CHD1: variants seen among roughly 807,000 people sequenced by gnomAD.
CHD1 encodes chromodomain helicase DNA binding protein 1.
Under a neutral mutation model 224.2 loss-of-function variants are expected in CHD1, and 36 were observed. The observed-to-expected ratio is 0.16, with a 90% CI of 0.12 to 0.21. CHD1 has a LOEUF of 0.21. CHD1 is among the 10% of genes least tolerant of loss of function. CHD1 has a pLI of 1.00. For missense variants in CHD1, 1,378 were observed against 1,994.8 expected (o/e 0.69, Z 5.89); for synonymous variants, 668 against 658.3 (o/e 1.01, Z -0.23).
intron 2 of CHD1, among the ~76,000 whole-genome samples, chr5:98,910,998 T>C (rs1363180064): frequency 6.6e-6 from 1 of 151,400 alleles, no homozygotes; most frequent in Non-Finnish European, 1.5e-5. Flanking sequence ...TACAATCACC[T>C]AGCACCTAGA....
intron 12 of CHD1, 103 bp from the exon 13 acceptor site, chr5:98,894,789 T>A: frequency 1.8e-6 from 1 of 545,560 alleles, no homozygotes; most frequent in East Asian, 3.5e-5. Flanking sequence ...TGTAAGTAAC[T>A]ATTAATATAT....
At position 98,892,586 on chromosome 5, in the gene CHD1, G is replaced by A; in HGVS notation, c.2119C>T (p.Pro707Ser). 1 of 1,613,806 alleles carries A rather than the reference G, an allele frequency of 6.2e-7. No homozygotes were observed. The highest frequency in any genetic ancestry group is 8.5e-7 in the Non-Finnish European group (1 of 1,179,792). ...RVKKDVEKSL[P>S]AKVEQILRME... The stretch of plus-strand genomic sequence containing the variant: ...CTTAAAATCTGCTCAACCTTGGCAG[G>A]AAGAGATTTTTCCACATCTTTCTTA... The change falls in exon 15 of 36, where the codon CCT (proline) becomes TCT (serine). Residue 707 changes from proline to serine, a missense_variant. By Grantham distance (74) the Pro-to-Ser change is moderately conservative. Coordinates refer to ENST00000614616, the MANE Select transcript of CHD1 (RefSeq NM_001270.4).
intron 19 of CHD1, 147 bp from the exon 20 acceptor site, chr5:98,882,270 G>A: frequency 1.7e-6 from 1 of 594,444 alleles, no homozygotes; most frequent in South Asian, 2.8e-5. Flanking sequence ...TAAAAAACAT[G>A]TTTAAAGCTA....
intron 29 of CHD1, among the ~76,000 whole-genome samples, chr5:98,870,423 A>C (rs1019147512): frequency 6.6e-6 from 1 of 152,104 alleles, no homozygotes; most frequent in East Asian, 1.9e-4. Context: ...CCGCACGCTA[A>C]ACGAGTTTTC....
At chr5:98,888,692 A>G (rs1039791290) in intron 16 of CHD1, among the ~76,000 whole-genome samples, 21 of 152,258 alleles carry the variant, frequency 1.4e-4, no homozygotes, top group African/African-American at 4.8e-4. Flanking sequence ...CTTCTGACTT[A>G]TCTTCCAGAA....
intron 19 of CHD1, among the ~76,000 whole-genome samples, chr5:98,882,418 TG>T (rs34271103): frequency 0.21 from 27,601 of 133,126 alleles, 5,219 homozygotes; most frequent in African/African-American, 0.51. Context: ...CTGGGGAAAA[TG>T]GGGGGGGGGC....
chr5:98,900,284 A>G (rs997738288), intron 7 of CHD1, among the ~76,000 whole-genome samples: 1 of 149,560 alleles, frequency 6.7e-6, no homozygotes, highest in African/African-American at 2.4e-5. Flanking sequence ...TCTGTCACAA[A>G]AAAAAAAAAA....
intron 2 of CHD1, among the ~76,000 whole-genome samples, chr5:98,921,931 C>T (rs541874847): frequency 6.6e-6 from 1 of 152,228 alleles, no homozygotes; most frequent in African/African-American, 2.4e-5. Context: ...GTGGGTGGAT[C>T]ACAAGGTCAG....
At chr5:98,918,311 G>A (rs189713338) in intron 2 of CHD1, among the ~76,000 whole-genome samples, 6 of 151,056 alleles carry the variant, frequency 4.0e-5, no homozygotes, top group Non-Finnish European at 7.4e-5. Flanking sequence ...CACCCGACTC[G>A]GCCTCCCAAA....
intron 33 of CHD1, 32 bp from the exon 34 acceptor site, chr5:98,859,047 T>C (rs1748264328): frequency 6.5e-7 from 1 of 1,529,520 alleles, no homozygotes; most frequent in East Asian, 2.4e-5. Context: ...TAAGAATCTT[T>C]AGGTGACTTC....
intron 18 of CHD1, 103 bp downstream of exon 18, chr5:98,885,470 CTTTTT>C: frequency 1.3e-6 from 1 of 761,618 alleles, no homozygotes; most frequent in East Asian, 2.8e-5. Context: ...TAACACCACT[CTTTTT>C]TTATCAAACT....
Position 98,858,282 on chromosome 5 carries a change from T to C in CHD1, c.4685A>G (p.Gln1562Arg), listed in dbSNP as rs372967823. Reference sequence around the variant, plus strand: ...ATCACTTTTTTTGTAAGAATCTCCCTGATGTCGGTCTTTATGATGATCATG... The same window carrying C: ...ATCACTTTTTTTGTAAGAATCTCCCCGATGTCGGTCTTTATGATGATCATG... ...QYHDHHKDRH[Q>R]GDSYKKSDSR... Residue 1562 changes from glutamine (Q) to arginine (R), a missense_variant, in exon 35 of 36, where the codon CAG (glutamine) becomes CGG (arginine). This residue lies in a region of CHD1 where 278 missense variants were observed against 298.5 expected (regional missense o/e 0.93). Coordinates refer to ENST00000614616, the MANE Select transcript of CHD1 (RefSeq NM_001270.4). The C allele has an allele frequency of 3.1e-6, 5 of 1,613,108 alleles. No homozygotes were observed. Among genetic ancestry groups the C allele is most frequent in the Non-Finnish European group, 4.2e-6 (5 of 1,179,272 alleles).
chr5:98,903,700 G>A, intron 4 of CHD1, 92 bp downstream of exon 4: 1 of 893,728 alleles, frequency 1.1e-6, no homozygotes, highest in South Asian at 1.3e-5. Context: ...TTCTTTCAAA[G>A]CACTTATTAT....
intron 22 of CHD1, 22 bp from the exon 23 acceptor site, chr5:98,879,750 A>T: frequency 6.6e-7 from 1 of 1,524,950 alleles, no homozygotes; most frequent in East Asian, 2.3e-5. Flanking sequence ...CAGAATTTTA[A>T]GAGTAACTGT....
intron 24 of CHD1, 109 bp downstream of exon 24, chr5:98,876,289 T>G: frequency 9.2e-7 from 1 of 1,083,930 alleles, no homozygotes; most frequent in Non-Finnish European, 1.4e-6. Context: ...AATAACAGAT[T>G]TGCCTCTTCT....
At position 98,901,258 on chromosome 5, in the gene CHD1, T is replaced by TTC; in HGVS notation, c.513_514dup (p.Lys172ArgfsTer78). On this transcript the variant is annotated frameshift_variant, in exon 6 of 36. Coordinates refer to ENST00000614616, the MANE Select transcript of CHD1 (RefSeq NM_001270.4). LOFTEE classifies it high-confidence loss of function. ...AGATTCTGTTTCATCACAACTGCTTTTCTCTCTCTCTTCTTCAGATTCTGA... is the reference window on the plus strand; with the variant it reads ...AGATTCTGTTTCATCACAACTGCTTTTCTCTCTCTCTCTTCTTCAGATTCTGA... The TTC allele has an allele frequency of 6.2e-7, 1 of 1,613,966 alleles. No individual in the cohort carries two copies.
In CHD1 at chr5:98,863,499, G is replaced by C. The variant is rs1161880604; in HGVS notation, c.4336C>G (p.His1446Asp). 2 of 1,608,786 alleles carry C rather than the reference G, an allele frequency of 1.2e-6. No individual in the cohort carries two copies. The highest frequency in any genetic ancestry group is 1.7e-6 in the Non-Finnish European group (2 of 1,176,794). Residue 1446 changes from histidine (H) to aspartate (D), a missense_variant, in exon 32 of 36, where the codon CAT becomes GAT. By Grantham distance (81) the His-to-Asp change is moderately conservative. Around this residue, in one of 16 missense-constraint regions of CHD1, gnomAD observed 23 missense variants for 65.8 expected, o/e 0.35. Coordinates refer to ENST00000614616, the MANE Select transcript of CHD1 (RefSeq NM_001270.4). Reference sequence around the variant, plus strand: ...ATTTTTATTAAACATTGTCTAGTATGCTCTAGTTGTTCTCTTTCTGAAAGG... The same window carrying C: ...ATTTTTATTAAACATTGTCTAGTATCCTCTAGTTGTTCTCTTTCTGAAAGG... ...KGLSEREQLE[H>D]TRQCLIKIGD...
chr5:98,907,363 C>A (rs954923110), intron 2 of CHD1, among the ~76,000 whole-genome samples: 2 of 151,966 alleles, frequency 1.3e-5, no homozygotes, highest in Non-Finnish European at 1.5e-5. Flanking sequence ...CAGAGGGGGG[C>A]GGATCACCTG....
chr5:98,898,443 G>T lies in CHD1; in HGVS notation c.1187-9C>A, dbSNP rs745400178. 4 of 1,545,052 alleles carry T rather than the reference G, an allele frequency of 2.6e-6. No individual in the cohort carries two copies. In the African/African-American group the frequency reaches 4.2e-5, roughly 16 times the overall value. On this transcript the variant is annotated splice_polypyrimidine_tract_variant and intron_variant, in intron 9 of 35. Transcript: ENST00000614616. Reference sequence around the variant, plus strand: ...CTTTTGATTGGAATGAGCTGTGAGAGAATCAGGCATTTACTTATTTATTTA... The same window carrying T: ...CTTTTGATTGGAATGAGCTGTGAGATAATCAGGCATTTACTTATTTATTTA...
Sources: allele counts gnomAD v4.1 joint callset (sites outside exome capture counted in the v4.1 genomes callset), GRCh38; gene constraint gnomAD v4.1.1; regional missense constraint gnomAD v4.1.1; transcripts MANE v1.5; gene names NCBI Gene and HGNC (gene_info 2026-07-23, HGNC 2026-07-21).